KMT5B: variants seen among roughly 807,000 people sequenced by gnomAD.
KMT5B encodes the protein histone-lysine N-methyltransferase KMT5B.
A neutral mutation model predicts 83.2 loss-of-function variants in KMT5B; 10 were observed. The observed-to-expected ratio is 0.12, with a 90% CI of 0.07 to 0.20. The LOEUF is 0.20. KMT5B is among the 10% of genes least tolerant of loss of function. The probability of loss-of-function intolerance (pLI) is 1.00; values close to 1 mark genes in which losing one functional copy is unlikely to be tolerated. For synonymous variants in KMT5B, 349 were observed against 388.8 expected (o/e 0.90, Z 1.20); for missense variants, 753 against 1,067.2 (o/e 0.71, Z 4.10).
intron 1 of KMT5B, among the ~76,000 whole-genome samples, chr11:68,197,739 T>C (rs559504902): frequency 6.6e-6 from 1 of 152,310 alleles, no homozygotes; most frequent in African/African-American, 2.4e-5. Flanking sequence ...CTTCTGTCAA[T>C]CACAGAACAT....
intron 3 of KMT5B, among the ~76,000 whole-genome samples, chr11:68,183,413 A>G (rs1284708634): frequency 2.6e-5 from 4 of 152,280 alleles, no homozygotes; most frequent in Admixed American, 1.3e-4. Flanking sequence ...GCTGGAGTGC[A>G]GTGGCGCGAT....
At chr11:68,213,539 G>A (rs950471810), upstream of KMT5B, 9 of 151,678 alleles carry the variant, frequency 5.9e-5, no homozygotes, top group African/African-American at 1.9e-4. Context: ...CCGCGTCCCA[G>A]GTCCGTGCGC....
intron 1 of KMT5B, among the ~76,000 whole-genome samples, chr11:68,193,216 T>G (rs1460029077): frequency 6.6e-6 from 1 of 152,214 alleles, no homozygotes; most frequent in Non-Finnish European, 1.5e-5. Context: ...TAAAACCACA[T>G]GATCCACCTG....
intron 1 of KMT5B, among the ~76,000 whole-genome samples, chr11:68,212,106 T>C (rs985198943): frequency 1.3e-5 from 2 of 152,236 alleles, no homozygotes; most frequent in African/African-American, 4.8e-5. Context: ...ATTATCAATA[T>C]TATAGGCGTG....
intron 10 of KMT5B, among the ~76,000 whole-genome samples, chr11:68,161,092 G>T (rs1365691789): frequency 2.0e-5 from 3 of 152,140 alleles, no homozygotes; most frequent in Admixed American, 6.5e-5. Context: ...TACCAAGGTG[G>T]CGCCTCTTTT....
chr11:68,165,381 G>A (rs181126641), intron 10 of KMT5B, among the ~76,000 whole-genome samples: 4 of 152,166 alleles, frequency 2.6e-5, no homozygotes, highest in African/African-American at 7.2e-5. Flanking sequence ...GCACGTGCCT[G>A]TAATCCCAGC....
chr11:68,208,129 G>A (rs565901535), intron 1 of KMT5B, among the ~76,000 whole-genome samples: 3 of 149,202 alleles, frequency 2.0e-5, no homozygotes, highest in South Asian at 2.2e-4. Context: ...GAGCCATCAC[G>A]CCTGGCCCCA....
intron 9 of KMT5B, among the ~76,000 whole-genome samples, chr11:68,169,305 C>T (rs1855622229): frequency 1.3e-5 from 2 of 152,166 alleles, no homozygotes; most frequent in African/African-American, 4.8e-5. Flanking sequence ...TTGGAATCCT[C>T]AGTATGTGGT....
At chr11:68,209,416 A>G (rs1305648835) in intron 1 of KMT5B, among the ~76,000 whole-genome samples, 2 of 152,124 alleles carry the variant, frequency 1.3e-5, no homozygotes, top group Non-Finnish European at 2.9e-5. Context: ...GCATAAGGGG[A>G]AAAAAAGTTA....
At chr11:68,165,721 C>T (rs889180331) in intron 10 of KMT5B, 11 of 1,392,302 alleles carry the variant, frequency 7.9e-6, no homozygotes, top group Non-Finnish European at 1.0e-5. Context: ...AACAAATGGT[C>T]GTTATGCTGC....
intron 6 of KMT5B, 142 bp downstream of exon 6, chr11:68,173,662 T>C: frequency 1.7e-6 from 1 of 584,686 alleles, no homozygotes; most frequent in East Asian, 3.0e-5. Context: ...CTCCAGCTGA[T>C]GGGCCAAGGC....
chr11:68,199,456 G>A (rs1328022946), intron 1 of KMT5B, among the ~76,000 whole-genome samples: 1 of 152,146 alleles, frequency 6.6e-6, no homozygotes, highest in Non-Finnish European at 1.5e-5. Flanking sequence ...AAGGCCCAGA[G>A]GCTGGCGTGG....
intron 10 of KMT5B, chr11:68,165,980 T>G: frequency 6.2e-7 from 1 of 1,612,722 alleles, no homozygotes; most frequent in South Asian, 1.1e-5. Context: ...AGTGTTGGGC[T>G]GAAAACATCT....
intron 4 of KMT5B, among the ~76,000 whole-genome samples, chr11:68,178,428 G>GT: frequency 6.6e-6 from 1 of 152,272 alleles, no homozygotes; most frequent in Non-Finnish European, 1.5e-5. Flanking sequence ...CCTTCCCTGT[G>GT]TTGACTTCTG....
At position 68,156,896 on chromosome 11, in the gene KMT5B, G is replaced by C. The variant is rs1859333955; in HGVS notation, c.*792C>G. On this transcript the variant is annotated 3_prime_UTR_variant, in exon 11 of 11. Transcript: ENST00000304363. ...AAATGTTGCTTGTTGTCATCACGTT[G>C]TTCACAGCAAATTTTTGAAAAAATA... is the stretch of plus-strand genomic sequence containing the variant. 6.6e-6 allele frequency: 1 copy of C among 152,440 alleles called. No homozygotes were observed. The highest frequency in any genetic ancestry group is 2.4e-5 in the African/African-American group (1 of 41,374). The allele number at this position is 152,440 out of a possible 1,614,324, so 9.4% of individuals were successfully genotyped here.
chr11:68,172,223 T>A (rs1362051359), intron 6 of KMT5B, among the ~76,000 whole-genome samples: 1 of 152,154 alleles, frequency 6.6e-6, no homozygotes, highest in African/African-American at 2.4e-5. Flanking sequence ...GAAATTACTT[T>A]AACAATTTAT....
At chr11:68,183,412 C>G (rs1590996854) in intron 3 of KMT5B, among the ~76,000 whole-genome samples, 1 of 152,168 alleles carries the variant, frequency 6.6e-6, no homozygotes, top group East Asian at 1.9e-4. Context: ...GGCTGGAGTG[C>G]AGTGGCGCGA....
chr11:68,165,842 A>G, intron 10 of KMT5B: 2 of 1,612,544 alleles, frequency 1.2e-6, no homozygotes, highest in Admixed American at 1.7e-5. Flanking sequence ...CTTTTATGCT[A>G]CACGGGTTAT....
intron 1 of KMT5B, among the ~76,000 whole-genome samples, chr11:68,211,371 A>G (rs1350487408): frequency 1.3e-5 from 2 of 152,204 alleles, no homozygotes; most frequent in African/African-American, 4.8e-5. Context: ...GCACTTGGAA[A>G]TGATCATGGA....
Sources: allele counts gnomAD v4.1 joint callset (sites outside exome capture counted in the v4.1 genomes callset), GRCh38; gene constraint gnomAD v4.1.1; transcripts MANE v1.5; gene names NCBI Gene and HGNC (gene_info 2026-07-23, HGNC 2026-07-21).